Variants in PARD3 observed in about 807,000 individuals in gnomAD.
The protein encoded by PARD3 is partitioning defective 3 homolog.
PARD3 carries 75 observed loss-of-function variants against 155.4 expected under a neutral mutation model. That is an observed-to-expected ratio of 0.48 (90% CI 0.40 to 0.58). The LOEUF is 0.58. Among genes scored for constraint, PARD3 ranks in the 20% least tolerant of loss-of-function variants. The pLI is 0.00. For missense variants in PARD3, 1,642 were observed against 1,721.7 expected, an observed-to-expected ratio of 0.95 and a Z score of 0.82; for synonymous variants, 576 against 610.5, an observed-to-expected ratio of 0.94 and a Z score of 0.83.
chr10:34,644,079 A>G (rs538594348), intron 2 of PARD3, among the ~76,000 whole-genome samples: 1 of 152,314 alleles, frequency 6.6e-6, no homozygotes, highest in African/African-American at 2.4e-5. Flanking sequence ...AAATACTACA[A>G]AACTGTCCAC....
chr10:34,473,407 C>T (rs903579145), intron 3 of PARD3, among the ~76,000 whole-genome samples: 8 of 152,074 alleles, frequency 5.3e-5, no homozygotes, highest in African/African-American at 1.9e-4. Context: ...GTCAACGAGG[C>T]CAGGTGCAAT....
chr10:34,665,261 C>T (rs2093422069), intron 2 of PARD3, among the ~76,000 whole-genome samples: 1 of 151,966 alleles, frequency 6.6e-6, no homozygotes, highest in Admixed American at 6.6e-5. Context: ...CCTGTAATCC[C>T]AGCACTTTGG....
Position 34,384,189 on chromosome 10 carries a change from C to T in PARD3, c.956G>A (p.Arg319His), listed in dbSNP as rs779397128. The T allele has an allele frequency of 1.1e-5, 18 of 1,613,148 alleles. 1 individual carries two copies. The highest frequency in any genetic ancestry group is 1.1e-4 in the African/African-American group (8 of 74,896). Residue 319 changes from arginine to histidine, a missense_variant, in exon 8 of 25, where the codon CGT becomes CAT. By Grantham distance (29) the Arg-to-His change is conservative (BLOSUM62 0). Around this residue, in one of 3 missense-constraint regions of PARD3, gnomAD observed 1,529 missense variants for 1,587.3 expected, o/e 0.96. Transcript: ENST00000374788. ...GGKAEHENLF[R>H]ENDCIVRIND... ...AATCCTGACAATGCAATCATTCTCA[C>T]GAAAAAGATTTTCATGTTCAGCTTT... is the stretch of plus-strand genomic sequence containing the variant.
intron 22 of PARD3, among the ~76,000 whole-genome samples, chr10:34,134,114 C>T (rs1279069712): frequency 2.0e-5 from 3 of 152,194 alleles, no homozygotes; most frequent in East Asian, 3.8e-4. Flanking sequence ...TTCCTACTGG[C>T]TTTAAAAATA....
intron 1 of PARD3, among the ~76,000 whole-genome samples, chr10:34,736,662 ATTT>A (rs1277670054): frequency 1.5e-4 from 22 of 148,008 alleles, no homozygotes; most frequent in East Asian, 9.7e-4. Flanking sequence ...TAATTTATTT[ATTT>A]ATTTATTTAT....
chr10:34,696,995 GACACACACACACAC>G (rs35717875), intron 1 of PARD3, among the ~76,000 whole-genome samples: 15 of 143,976 alleles, frequency 1.0e-4, no homozygotes, highest in Middle Eastern at 3.5e-3. Flanking sequence ...GAGACAAAAT[GACACACACACACAC>G]ACACACACAC....
At chr10:34,276,757 G>A (rs1403929044) in intron 21 of PARD3, among the ~76,000 whole-genome samples, 2 of 152,128 alleles carry the variant, frequency 1.3e-5, no homozygotes, top group Non-Finnish European at 2.9e-5. Context: ...TCCTTGGGAT[G>A]CAAAACCAGT....
At chr10:34,596,485 G>C (rs1040541102) in intron 2 of PARD3, among the ~76,000 whole-genome samples, 5 of 152,172 alleles carry the variant, frequency 3.3e-5, no homozygotes, top group Non-Finnish European at 7.3e-5. Flanking sequence ...GATAGCACCA[G>C]AGAGAATTAG....
chr10:34,205,802 G>A (rs1258088007), intron 22 of PARD3, among the ~76,000 whole-genome samples: 2 of 152,134 alleles, frequency 1.3e-5, no homozygotes, highest in East Asian at 3.9e-4. Flanking sequence ...TTAGGATTTT[G>A]ACTTGTTCCT....
At chr10:34,794,716 T>C (rs1467625675) in intron 1 of PARD3, among the ~76,000 whole-genome samples, 1 of 152,274 alleles carries the variant, frequency 6.6e-6, no homozygotes, top group African/African-American at 2.4e-5. Flanking sequence ...GGAAAGTTGT[T>C]AGATCTTTGG....
intron 22 of PARD3, among the ~76,000 whole-genome samples, chr10:34,173,957 T>C (rs748286703): frequency 1.1e-4 from 16 of 152,188 alleles, no homozygotes; most frequent in Non-Finnish European, 1.3e-4. Flanking sequence ...CCTAGGTCCC[T>C]ATCACCAAGG....
At chr10:34,626,578 A>G (rs2091990010) in intron 2 of PARD3, among the ~76,000 whole-genome samples, 1 of 152,180 alleles carries the variant, frequency 6.6e-6, no homozygotes, top group South Asian at 2.1e-4. Flanking sequence ...CTCTGAAACC[A>G]CTCACAGGGC....
At chr10:34,359,704 A>G (rs1291720914) in intron 13 of PARD3, among the ~76,000 whole-genome samples, 1 of 152,234 alleles carries the variant, frequency 6.6e-6, no homozygotes, top group African/African-American at 2.4e-5. Context: ...ACAAATGGCC[A>G]GGAAATTTTC....
At position 34,482,032 on chromosome 10, in the gene PARD3, C is replaced by CTTTTTTTTTTTTTTTT. The variant is rs58877037; in HGVS notation, c.404-11785_404-11770dup. Among the ~76,000 whole-genome samples the CTTTTTTTTTTTTTTTT allele has an allele frequency of 9.8e-5, 10 of 101,576 alleles. 1 individual carries two copies. Among genetic ancestry groups the CTTTTTTTTTTTTTTTT allele is most frequent in the African/African-American group, 4.9e-4 (10 of 20,438 alleles). The allele number at this position is 101,576 out of a possible 152,430, so 66.6% of individuals were successfully genotyped here. A position where few individuals can be genotyped will look rare whatever the true frequency, so the allele number is the denominator to read the frequency against. ...ACCACTGTGCCCTGCTAATTTTTATCTTTTTTTTTTTTTTTTTTTTGAAGC... is the reference window on the plus strand; with the variant it reads ...ACCACTGTGCCCTGCTAATTTTTATCTTTTTTTTTTTTTTTTTTTTTTTTTTTTTTTTTTTTGAAGC... On this transcript the variant is annotated intron_variant, in intron 3 of 24. Transcript: ENST00000374788.
intron 20 of PARD3, among the ~76,000 whole-genome samples, chr10:34,294,803 G>A (rs759175536): frequency 2.6e-5 from 4 of 152,062 alleles, no homozygotes; most frequent in South Asian, 2.1e-4. Flanking sequence ...GCAAACACCC[G>A]CCATCTACCT....
chr10:34,469,164 G>A (rs1164612691), intron 4 of PARD3, among the ~76,000 whole-genome samples: 2 of 152,226 alleles, frequency 1.3e-5, no homozygotes, highest in Non-Finnish European at 2.9e-5. Flanking sequence ...AGGCTAGAGT[G>A]CAGCGGCGTG....
intron 24 of PARD3, among the ~76,000 whole-genome samples, chr10:34,115,041 A>G (rs1946589380): frequency 6.6e-6 from 1 of 152,230 alleles, no homozygotes; most frequent in Non-Finnish European, 1.5e-5. Flanking sequence ...GGAGACCATC[A>G]GCATGGAGAG....
At chr10:34,514,115 C>G (rs1206925006) in intron 3 of PARD3, among the ~76,000 whole-genome samples, 2 of 152,136 alleles carry the variant, frequency 1.3e-5, no homozygotes, top group African/African-American at 4.8e-5. Flanking sequence ...ACTTCGTATC[C>G]ATTTTTCTAT....
chr10:34,211,517 C>T (rs1191307376), intron 22 of PARD3, among the ~76,000 whole-genome samples: 3 of 152,186 alleles, frequency 2.0e-5, no homozygotes, highest in Non-Finnish European at 4.4e-5. Context: ...AGTGATGTTT[C>T]ACGCCTGTCA....
Sources: gnomAD v4.1 joint callset for allele counts (sites outside exome capture counted in the v4.1 genomes callset) on GRCh38, gnomAD v4.1.1 for gene constraint, gnomAD v4.1.1 regional missense constraint, MANE v1.5 for transcripts, NCBI Gene and HGNC (gene_info 2026-07-23, HGNC 2026-07-21) for gene names.